COL25A1: variants seen among roughly 807,000 people sequenced by gnomAD.
The protein encoded by COL25A1 is collagen alpha-1(XXV) chain.
Under a neutral mutation model 128.4 loss-of-function variants are expected in COL25A1, and 103 were observed. That is an observed-to-expected ratio of 0.80 (90% confidence interval 0.68 to 0.94). COL25A1 has a LOEUF of 0.94. COL25A1 is among the 40% of genes least tolerant of loss of function. The pLI, the probability that COL25A1 is intolerant of heterozygous loss-of-function variation, is 0.00. For missense variants in COL25A1, 745 were observed against 840.0 expected (o/e 0.89, Z 1.40); for synonymous variants, 279 against 277.2 (o/e 1.01, Z -0.06).
intron 3 of COL25A1, among the ~76,000 whole-genome samples, chr4:109,106,354 C>T (rs541915434): frequency 2.6e-5 from 4 of 152,100 alleles, no homozygotes; most frequent in Admixed American, 6.5e-5. Flanking sequence ...AAAATCAGTA[C>T]GTTGGCATTT....
chr4:108,988,834 C>T (rs891507596), intron 6 of COL25A1, among the ~76,000 whole-genome samples: 3 of 152,180 alleles, frequency 2.0e-5, no homozygotes, highest in African/African-American at 4.8e-5. Flanking sequence ...TCTGGGTCTT[C>T]GACTAATGGG....
intron 3 of COL25A1, among the ~76,000 whole-genome samples, chr4:109,197,210 C>A (rs555911288): frequency 1.3e-5 from 2 of 149,292 alleles, no homozygotes; most frequent in Admixed American, 1.4e-4. Flanking sequence ...CCTCTAATCC[C>A]AGCTACTCAG....
intron 31 of COL25A1, chr4:108,834,372 C>T (rs1305674151): frequency 3.2e-6 from 5 of 1,550,364 alleles, no homozygotes; most frequent in Admixed American, 2.0e-5. Flanking sequence ...CCTGGCTTTC[C>T]GTCTAAGCCA....
At chr4:109,014,045 G>A (rs1370200201) in intron 5 of COL25A1, among the ~76,000 whole-genome samples, 1 of 152,108 alleles carries the variant, frequency 6.6e-6, no homozygotes, top group East Asian at 1.9e-4. Flanking sequence ...GGTGGCTCAT[G>A]CCTGTAATTC....
At chr4:109,247,819 GGAAGA>G (rs1780375699) in intron 3 of COL25A1, among the ~76,000 whole-genome samples, 2 of 152,028 alleles carry the variant, frequency 1.3e-5, no homozygotes, top group Non-Finnish European at 2.9e-5. Context: ...GACACCAAGA[GGAAGA>G]ATACAGAAAC....
At chr4:108,865,641 T>G (rs1737811667) in intron 20 of COL25A1, among the ~76,000 whole-genome samples, 1 of 152,282 alleles carries the variant, frequency 6.6e-6, no homozygotes, top group South Asian at 2.1e-4. Context: ...TTTCTTTTAA[T>G]GTTTTACTTT....
At chr4:108,858,124 C>T (rs1295539334) in intron 24 of COL25A1, among the ~76,000 whole-genome samples, 1 of 152,004 alleles carries the variant, frequency 6.6e-6, no homozygotes, top group East Asian at 1.9e-4. Context: ...ATGAAAAGTT[C>T]TCCACAGGAA....
chr4:108,913,979 A>AATGTTAATTAT (rs1357917498), intron 13 of COL25A1, among the ~76,000 whole-genome samples: 2 of 152,228 alleles, frequency 1.3e-5, no homozygotes, highest in Non-Finnish European at 2.9e-5. Flanking sequence ...GGGCAAATAA[A>AATGTTAATTAT]ATGTTAATTA....
At chr4:108,835,996 C>T (rs1431854989) in intron 31 of COL25A1, among the ~76,000 whole-genome samples, 5 of 150,124 alleles carry the variant, frequency 3.3e-5, no homozygotes, top group African/African-American at 7.4e-5. Flanking sequence ...CTCAGCCTCC[C>T]GAGTAGCTGG....
rs564834752 is a variant in COL25A1, at chr4:109,093,457, G to GAAA, written c.368-43281_368-43279dup. 2.7e-4 allele frequency among the ~76,000 whole-genome samples: 19 copies of GAAA among 69,440 alleles called. No individual in the cohort carries two copies. The South Asian group carries it at 6.7e-3, about 25-fold the overall frequency. 45.6% of individuals were successfully genotyped at this position (69,440 alleles called of 152,430 possible). ...CAATACAGCAAGACTCCATCTCTAT[G>GAAA]AAAAAAAAAAAAAAAAAAACCTTTT... On this transcript the variant is annotated intron_variant, in intron 3 of 37. Coordinates refer to ENST00000399132, the MANE Select transcript of COL25A1 (RefSeq NM_198721.4).
intron 8 of COL25A1, among the ~76,000 whole-genome samples, chr4:108,957,746 T>C (rs1750234539): frequency 6.6e-6 from 1 of 152,288 alleles, no homozygotes; most frequent in Non-Finnish European, 1.5e-5. Flanking sequence ...GGGCCGATTG[T>C]CTAAATGGGT....
rs371457453 is a variant in COL25A1, at chr4:108,904,113, C to T, written c.781-2941G>A. On this transcript the variant is annotated intron_variant, in intron 13 of 37. Transcript: ENST00000399132. ...CCAGGTTCTGTGAAAAGAATATAAACGATAAACCACTGTACAAGTCTGAGT... is the reference window on the plus strand; with the variant it reads ...CCAGGTTCTGTGAAAAGAATATAAATGATAAACCACTGTACAAGTCTGAGT... 2.3e-3 allele frequency among the ~76,000 whole-genome samples: 349 copies of T among 152,152 alleles called. 1 individual carries two copies. Among genetic ancestry groups the T allele is most frequent in the African/African-American group, 7.7e-3 (321 of 41,554 alleles).
Position 109,201,421 on chromosome 4 carries a change from A to G in COL25A1, c.367+99162T>C, listed in dbSNP as rs184895250. On this transcript the variant is annotated intron_variant, in intron 3 of 37. Coordinates refer to ENST00000399132, the MANE Select transcript of COL25A1 (RefSeq NM_198721.4). ...TCATATAAATAGATGCAGAAACAAT[A>G]TTTGACAAAATCCAACACCTATTCA... 2.5e-3 allele frequency among the ~76,000 whole-genome samples: 377 copies of G among 152,342 alleles called. 3 individuals carry two copies. The highest frequency in any genetic ancestry group is 0.022 in the Admixed American group (339 of 15,304).
In COL25A1 at chr4:109,200,732, G is replaced by C. The variant is rs548057793; in HGVS notation, c.367+99851C>G. On this transcript the variant is annotated intron_variant, in intron 3 of 37. Transcript: ENST00000399132. ...CTCCCAAAGTGCTGGGATTACAGGC[G>C]TGAGCCACTGCACCCGGCCTCTCCT... is the stretch of plus-strand genomic sequence containing the variant. 2.1e-4 allele frequency among the ~76,000 whole-genome samples: 32 copies of C among 152,238 alleles called. No individual in the cohort carries two copies. In the South Asian group the frequency reaches 6.6e-3, roughly 32 times the overall value.
At chr4:108,822,080 G>A (rs1432796416) in intron 35 of COL25A1, among the ~76,000 whole-genome samples, 2 of 107,322 alleles carry the variant, frequency 1.9e-5, no homozygotes, top group Non-Finnish European at 3.8e-5. Context: ...TCTCACTCTT[G>A]TTGCCCAGGC....
At chr4:109,174,354 C>T (rs1265145050) in intron 3 of COL25A1, among the ~76,000 whole-genome samples, 1 of 152,128 alleles carries the variant, frequency 6.6e-6, no homozygotes, top group Non-Finnish European at 1.5e-5. Context: ...AGATAAAGTC[C>T]CCTAGCTAAA....
intron 3 of COL25A1, among the ~76,000 whole-genome samples, chr4:109,096,502 G>T (rs1405971186): frequency 6.6e-6 from 1 of 152,254 alleles, no homozygotes; most frequent in Middle Eastern, 3.4e-3. Context: ...GGAGCAACAG[G>T]CTATACCACA....
At chr4:108,955,737 T>A (rs1179175031) in intron 8 of COL25A1, among the ~76,000 whole-genome samples, 2 of 151,680 alleles carry the variant, frequency 1.3e-5, no homozygotes, top group Non-Finnish European at 2.9e-5. Context: ...AAATAATAGA[T>A]CTATTTTTTC....
intron 31 of COL25A1, among the ~76,000 whole-genome samples, chr4:108,836,171 T>C (rs1733793775): frequency 6.6e-6 from 1 of 151,996 alleles, no homozygotes; most frequent in African/African-American, 2.4e-5. Context: ...TGCCCGGCCT[T>C]ACATACGTCT....
Sources: allele counts gnomAD v4.1 joint callset (sites outside exome capture counted in the v4.1 genomes callset), GRCh38; gene constraint gnomAD v4.1.1; transcripts MANE v1.5; gene names NCBI Gene and HGNC (gene_info 2026-07-23, HGNC 2026-07-21).